The following COG6 variants were observed in gnomAD, a reference collection of about 807,000 sequenced individuals.
The protein encoded by COG6 is component of oligomeric golgi complex 6.
COG6 carries 74 observed loss-of-function variants against 88.8 expected under a neutral mutation model. The ratio of observed to expected loss-of-function variants is 0.83; its 90% CI spans 0.69 to 1.01. The LOEUF is 1.01. Among genes scored for constraint, COG6 ranks in the 50% least tolerant of loss-of-function variants. The pLI is 0.00. For missense variants in COG6, 800 were observed against 797.9 expected (o/e 1.00, Z -0.03); for synonymous variants, 286 against 278.7 (o/e 1.03, Z -0.26).
At chr13:39,691,326 A>G (rs1411103351) in intron 11 of COG6, among the ~76,000 whole-genome samples, 1 of 151,950 alleles carries the variant, frequency 6.6e-6, no homozygotes, top group Non-Finnish European at 1.5e-5. Context: ...ATGTACTTAG[A>G]AATTCTCACT....
chr13:39,736,194 T>A (rs1225494796), intron 18 of COG6, among the ~76,000 whole-genome samples: 2 of 152,050 alleles, frequency 1.3e-5, no homozygotes, highest in African/African-American at 2.4e-5. Flanking sequence ...TTTTTTTTTT[T>A]ATTCCTTTTT....
At chr13:39,693,721 G>C (rs1015525323) in intron 11 of COG6, among the ~76,000 whole-genome samples, 4 of 151,818 alleles carry the variant, frequency 2.6e-5, no homozygotes, top group African/African-American at 9.7e-5. Flanking sequence ...TTCATATGCA[G>C]ATATAAAATC....
intron 4 of COG6, among the ~76,000 whole-genome samples, chr13:39,668,410 C>T (rs1875402018): frequency 6.6e-6 from 1 of 152,064 alleles, no homozygotes; most frequent in African/African-American, 2.4e-5. Context: ...TCTCTCATCT[C>T]CTAACTGGTA....
chr13:39,753,271 G>A (rs149223312), downstream of COG6, among the ~76,000 whole-genome samples: 5 of 152,248 alleles, frequency 3.3e-5, no homozygotes, highest in East Asian at 3.9e-4. Context: ...ACCATGTGAC[G>A]TTACAGTGAG....
intron 13 of COG6, among the ~76,000 whole-genome samples, chr13:39,703,840 C>T (rs1258932757): frequency 1.3e-5 from 2 of 151,856 alleles, no homozygotes; most frequent in Non-Finnish European, 2.9e-5. Flanking sequence ...CATCCTTCTG[C>T]CTCAGCCTTC....
At chr13:39,788,609 T>G (rs541585325) in exon 19 of COG6, 30 of 500,998 alleles carry the variant, frequency 6.0e-5, no homozygotes, top group African/African-American at 5.5e-4. Context: ...AGAGTTGCTG[T>G]GTGGCTTAAA....
chr13:39,704,616 G>A lies in COG6; in HGVS notation c.1284+4998G>A, dbSNP rs929987563. Among the ~76,000 whole-genome samples, 3 of 152,158 alleles carry A rather than the reference G, an allele frequency of 2.0e-5. No individual in the cohort carries two copies. In the East Asian group the frequency reaches 5.8e-4, roughly 29 times the overall value. ...GAGGGAGAAGACAATCTATGTAAAT[G>A]TGGACCTTTGTGGTTTAAACATGTG... On this transcript the variant is annotated intron_variant, in intron 13 of 18. Coordinates refer to ENST00000455146, the MANE Select transcript of COG6 (RefSeq NM_020751.3).
At position 39,752,186 on chromosome 13, in the gene COG6, G is replaced by T. The variant is rs114184435; in HGVS notation, c.*1093G>T. On this transcript the variant is annotated 3_prime_UTR_variant, in exon 19 of 19. Coordinates refer to ENST00000455146, the MANE Select transcript of COG6 (RefSeq NM_020751.3). The stretch of plus-strand genomic sequence containing the variant: ...ATTTCTAGTAAATCTATAAAAATGG[G>T]TAAGTCCCTAAATTACAAATGAGAA... 1,549 of 1,143,656 alleles carry T rather than the reference G, an allele frequency of 1.4e-3. 6 individuals carry two copies. The highest frequency in any genetic ancestry group is 0.011 in the African/African-American group (690 of 61,482). The allele number at this position is 1,143,656 out of a possible 1,614,324, so 70.8% of individuals were successfully genotyped here. A position where few individuals can be genotyped will look rare whatever the true frequency, so the allele number is the denominator to read the frequency against.
At chr13:39,768,847 C>T (rs577722499) in intron 18 of COG6, among the ~76,000 whole-genome samples, 152 of 152,220 alleles carry the variant, frequency 1.0e-3, no homozygotes, top group African/African-American at 3.2e-3. Flanking sequence ...ATATGTATCC[C>T]ACCCCCCGCC....
chr13:39,743,830 T>C (rs1479154100), intron 18 of COG6, among the ~76,000 whole-genome samples: 4 of 152,126 alleles, frequency 2.6e-5, no homozygotes, highest in Non-Finnish European at 5.9e-5. Flanking sequence ...ATATCCCTGA[T>C]GAACATCGAT....
chr13:39,771,323 C>T (rs9315730), intron 18 of COG6, among the ~76,000 whole-genome samples: 63,244 of 152,152 alleles, frequency 0.42, 13,548 homozygotes, highest in Admixed American at 0.57. Context: ...TTTCCAAGCA[C>T]TTCTTCGTCC....
chr13:39,788,149 C>T lies in COG6; in HGVS notation c.1827-186C>T, dbSNP rs185259885. Among the ~76,000 whole-genome samples, 234 of 152,252 alleles carry T rather than the reference C, an allele frequency of 1.5e-3. 1 individual carries two copies. Among genetic ancestry groups the T allele is most frequent in the African/African-American group, 5.4e-3 (225 of 41,538 alleles). On this transcript the variant is annotated intron_variant, in intron 18 of 18. Coordinates refer to the COG6 transcript ENST00000416691. Reference sequence around the variant, plus strand: ...ACTGTTACCACTATAAAATAATAAACGGTAAGCAGAGTGCTTAATTGCCCT... The same window carrying T: ...ACTGTTACCACTATAAAATAATAAATGGTAAGCAGAGTGCTTAATTGCCCT...
Position 39,752,215 on chromosome 13 carries a change from T to C in COG6, c.*1122T>C. 9.2e-7 allele frequency: 1 copy of C among 1,083,490 alleles called. No individual in the cohort carries two copies. The highest frequency in any genetic ancestry group is 1.7e-5 in the African/African-American group (1 of 60,236). The allele number at this position is 1,083,490 out of a possible 1,614,324, so 67.1% of individuals were successfully genotyped here. On this transcript the variant is annotated 3_prime_UTR_variant, in exon 19 of 19. Transcript: ENST00000455146. ...GTCCCTAAATTACAAATGAGAAAATTGAAGCACAAGGAAAAAAATAACTAG... is the reference window on the plus strand; with the variant it reads ...GTCCCTAAATTACAAATGAGAAAATCGAAGCACAAGGAAAAAAATAACTAG...
intron 18 of COG6, among the ~76,000 whole-genome samples, chr13:39,785,910 G>A (rs1881759627): frequency 6.6e-6 from 1 of 152,154 alleles, no homozygotes; most frequent in African/African-American, 2.4e-5. Context: ...GCTTTGGGGA[G>A]TGAAGGAAAT....
intron 17 of COG6, among the ~76,000 whole-genome samples, chr13:39,725,698 C>T (rs897442469): frequency 5.1e-5 from 7 of 136,784 alleles, no homozygotes; most frequent in Non-Finnish European, 1.0e-4. Flanking sequence ...ATATATGAAA[C>T]AAAAACATAG....
At chr13:39,676,423 T>C (rs959634956) in intron 4 of COG6, among the ~76,000 whole-genome samples, 1 of 152,162 alleles carries the variant, frequency 6.6e-6, no homozygotes, top group African/African-American at 2.4e-5. Context: ...AATAATAAGA[T>C]GATTAAGAAC....
intron 10 of COG6, among the ~76,000 whole-genome samples, chr13:39,688,424 TAG>T (rs1876790834): frequency 2.0e-5 from 3 of 152,048 alleles, no homozygotes; most frequent in African/African-American, 2.4e-5. Context: ...TCAGGAAGCA[TAG>T]AGTCATGGTG....
At chr13:39,710,012 T>C (rs889847201) in intron 13 of COG6, among the ~76,000 whole-genome samples, 2 of 152,196 alleles carry the variant, frequency 1.3e-5, no homozygotes, top group Non-Finnish European at 2.9e-5. Flanking sequence ...TTTCATTTTA[T>C]TTAGAATCAA....
chr13:39,763,610 C>G (rs1593480151), intron 18 of COG6, among the ~76,000 whole-genome samples: 1 of 151,678 alleles, frequency 6.6e-6, no homozygotes, highest in Middle Eastern at 3.4e-3. Context: ...AATAGAGAAT[C>G]CACCTATATT....
Sources: gnomAD v4.1 joint callset for allele counts (sites outside exome capture counted in the v4.1 genomes callset) on GRCh38, gnomAD v4.1.1 for gene constraint, MANE v1.5 for transcripts, NCBI Gene and HGNC (gene_info 2026-07-23, HGNC 2026-07-21) for gene names.